The following SPAG1 variants were observed in gnomAD, a reference collection of about 807,000 sequenced individuals.
SPAG1 encodes the protein sperm-associated antigen 1.
SPAG1 carries 69 observed loss-of-function variants against 100.5 expected under a neutral mutation model. The ratio of observed to expected loss-of-function variants is 0.69; its 90% CI spans 0.57 to 0.84. The LOEUF (loss-of-function observed/expected upper bound fraction) is 0.84. Ranked by LOEUF, SPAG1 falls within the 40% of genes least tolerant of loss-of-function variation. The pLI, the probability that SPAG1 is intolerant of heterozygous loss-of-function variation, is 0.00. For synonymous variants in SPAG1, 336 were observed against 411.6 expected (o/e 0.82, Z 2.22); for missense variants, 955 against 1,133.1 (o/e 0.84, Z 2.26).
chr8:100,159,316 T>C (rs1463002772), intron 1 of SPAG1, among the ~76,000 whole-genome samples: 1 of 152,216 alleles, frequency 6.6e-6, no homozygotes, highest in Non-Finnish European at 1.5e-5. Context: ...CATTCATCAA[T>C]AGGCCCTGAA....
In SPAG1 at chr8:100,170,966, T is replaced by C. The variant is rs73279034; in HGVS notation, c.300+4993T>C. Among the ~76,000 whole-genome samples, 737 of 152,242 alleles carry C rather than the reference T, an allele frequency of 4.8e-3. 10 individuals are homozygous for C. Among genetic ancestry groups the C allele is most frequent in the African/African-American group, 0.017 (719 of 41,554 alleles). ...AATCGTTCTGACTTTCACTGTGAAA[T>C]ATAACGTTAGCTTTAAATTTTGTGT... is the stretch of plus-strand genomic sequence containing the variant. On this transcript the variant is annotated intron_variant, in intron 3 of 18. Coordinates refer to ENST00000388798, the MANE Select transcript of SPAG1 (RefSeq NM_003114.5).
intron 10 of SPAG1, among the ~76,000 whole-genome samples, chr8:100,212,577 T>C (rs1233590043): frequency 6.6e-6 from 1 of 152,224 alleles, no homozygotes; most frequent in African/African-American, 2.4e-5. Flanking sequence ...GGTGCCTAAT[T>C]TGTGACTTTT....
At position 100,241,015 on chromosome 8, in the gene SPAG1, A is replaced by G; in HGVS notation, c.2774A>G (p.Glu925Gly). 1 of 1,611,272 alleles carries G rather than the reference A, an allele frequency of 6.2e-7. No individual in the cohort carries two copies. Among genetic ancestry groups the G allele is most frequent in the Non-Finnish European group, 8.5e-7 (1 of 1,179,026 alleles). ...EDIQALKRQY[E>G]L ...ATACAGGCCCTAAAAAGGCAGTATG[A>G]GCTTTAAATCAAGATAATTGTTAGA... Residue 925 changes from glutamate to glycine, a missense_variant, in exon 19 of 19, where the codon GAG becomes GGG. Transcript: ENST00000388798. This position sits in a 1 kb window ranked among gnomAD's most constrained non-coding sequence, Gnocchi z 5.1.
At chr8:100,201,606 T>C (rs1817279209) in intron 10 of SPAG1, among the ~76,000 whole-genome samples, 1 of 152,204 alleles carries the variant, frequency 6.6e-6, no homozygotes, top group Admixed American at 6.5e-5. Context: ...ACAACTCCCG[T>C]AGCCCTTGTT....
intron 8 of SPAG1, among the ~76,000 whole-genome samples, chr8:100,188,124 G>C (rs1400652652): frequency 1.3e-5 from 2 of 151,954 alleles, no homozygotes; most frequent in African/African-American, 4.8e-5. Flanking sequence ...TAAAGTGCTG[G>C]GATTACAGGC....
intron 12 of SPAG1, among the ~76,000 whole-genome samples, chr8:100,214,391 C>G (rs1047976171): frequency 6.6e-6 from 1 of 152,180 alleles, no homozygotes; most frequent in East Asian, 1.9e-4. Context: ...GTTCTCTGAG[C>G]CCTTGCCCAT....
At chr8:100,191,684 T>A (rs555584181) in intron 9 of SPAG1, among the ~76,000 whole-genome samples, 188 bp downstream of exon 9, 11 of 152,254 alleles carry the variant, frequency 7.2e-5, no homozygotes, top group Admixed American at 1.3e-4. Flanking sequence ...AATCTTAAAA[T>A]TTTTTTTCAA....
chr8:100,210,397 A>G (rs149029339), intron 10 of SPAG1, among the ~76,000 whole-genome samples: 21 of 152,182 alleles, frequency 1.4e-4, no homozygotes, highest in African/African-American at 5.1e-4. Context: ...ATGCTGTTGA[A>G]TCTGTTCGCT....
At chr8:100,215,465 A>G (rs1817937619) in intron 12 of SPAG1, among the ~76,000 whole-genome samples, 1 of 152,208 alleles carries the variant, frequency 6.6e-6, no homozygotes, top group Non-Finnish European at 1.5e-5. Context: ...TGAACAGTAA[A>G]TTATGTGGAC....
intron 13 of SPAG1, among the ~76,000 whole-genome samples, chr8:100,224,940 T>C (rs1220705345): frequency 2.0e-5 from 3 of 152,202 alleles, no homozygotes; most frequent in African/African-American, 7.2e-5. Context: ...TTTAACAAAT[T>C]AAAAATGTCT....
chr8:100,165,103 A>C (rs1360641273), intron 2 of SPAG1: 1 of 354,134 alleles, frequency 2.8e-6, no homozygotes, highest in East Asian at 7.8e-5. Context: ...GATGAGTCTC[A>C]TTATTCATTG....
chr8:100,184,337 T>C (rs961057512), intron 6 of SPAG1, among the ~76,000 whole-genome samples: 17 of 152,112 alleles, frequency 1.1e-4, no homozygotes, highest in African/African-American at 4.1e-4. Flanking sequence ...TCCTCCAAAT[T>C]CCTAAAATTG....
chr8:100,159,459 CA>C (rs1815211869), intron 1 of SPAG1, among the ~76,000 whole-genome samples: 1 of 152,180 alleles, frequency 6.6e-6, no homozygotes. Flanking sequence ...TCCTTTTCTG[CA>C]GAGGTCTGAT....
intron 10 of SPAG1, among the ~76,000 whole-genome samples, chr8:100,196,037 A>G (rs1161590229): frequency 6.6e-6 from 1 of 152,210 alleles, no homozygotes; most frequent in Non-Finnish European, 1.5e-5. Context: ...TCATTCATGT[A>G]GCTGCATGTA....
At chr8:100,197,526 G>C (rs1404736435) in intron 10 of SPAG1, among the ~76,000 whole-genome samples, 1 of 152,120 alleles carries the variant, frequency 6.6e-6, no homozygotes, top group Non-Finnish European at 1.5e-5. Context: ...AGAGGTGCTG[G>C]AGCCTTGGAC....
chr8:100,166,212 T>A (rs543702855), intron 3 of SPAG1, among the ~76,000 whole-genome samples: 2 of 152,332 alleles, frequency 1.3e-5, no homozygotes, highest in African/African-American at 4.8e-5. Context: ...ACCTATAATT[T>A]AATCATCTTC....
intron 10 of SPAG1, among the ~76,000 whole-genome samples, chr8:100,200,270 A>G (rs1464083597): frequency 6.6e-6 from 1 of 152,232 alleles, no homozygotes; most frequent in African/African-American, 2.4e-5. Context: ...TACAAAGGAC[A>G]TGAACTCATC....
chr8:100,177,372 C>T (rs933028792), intron 3 of SPAG1, among the ~76,000 whole-genome samples: 1 of 152,026 alleles, frequency 6.6e-6, no homozygotes, highest in African/African-American at 2.4e-5. Flanking sequence ...ATTATAGTGT[C>T]TCCTACAGTC....
At chr8:100,219,978 G>A (rs1329627434) in intron 12 of SPAG1, among the ~76,000 whole-genome samples, 2 of 152,226 alleles carry the variant, frequency 1.3e-5, no homozygotes, top group Non-Finnish European at 2.9e-5. Flanking sequence ...CCTGCTGTGT[G>A]CCTTGTGCCA....
Sources: gnomAD v4.1 joint callset for allele counts (sites outside exome capture counted in the v4.1 genomes callset) on GRCh38, gnomAD v4.1.1 for gene constraint, Gnocchi (gnomAD v3.1) non-coding constraint, MANE v1.5 for transcripts, NCBI Gene and HGNC (gene_info 2026-07-23, HGNC 2026-07-21) for gene names.